SUGCT: variants seen among roughly 807,000 people sequenced by gnomAD.
SUGCT encodes the protein succinyl-CoA:glutarate-CoA transferase.
Under a neutral mutation model 55.0 loss-of-function variants are expected in SUGCT, and 41 were observed. The ratio of observed to expected loss-of-function variants is 0.74; its 90% CI spans 0.58 to 0.97. The LOEUF (loss-of-function observed/expected upper bound fraction) is 0.97. SUGCT is among the 50% of genes least tolerant of loss of function. SUGCT has a pLI of 0.00. For missense variants in SUGCT, 568 were observed against 547.8 expected (o/e 1.04, Z -0.37); for synonymous variants, 187 against 200.4 (o/e 0.93, Z 0.56).
chr7:40,194,295 A>G (rs1232347082), intron 5 of SUGCT, among the ~76,000 whole-genome samples: 1 of 151,994 alleles, frequency 6.6e-6, no homozygotes, highest in Non-Finnish European at 1.5e-5. Context: ...ACAAGGTCTA[A>G]CAGTCTCCCA....
intron 1 of SUGCT, among the ~76,000 whole-genome samples, chr7:40,167,890 G>A (rs1339216055): frequency 6.6e-6 from 1 of 152,198 alleles, no homozygotes; most frequent in Non-Finnish European, 1.5e-5. Flanking sequence ...GACCAGAAGA[G>A]TGTGCAGTTG....
chr7:40,745,507 C>A (rs898510247), intron 12 of SUGCT, among the ~76,000 whole-genome samples: 1 of 152,138 alleles, frequency 6.6e-6, no homozygotes, highest in African/African-American at 2.4e-5. Context: ...TTGACTCTGT[C>A]ATTAGGCTGT....
chr7:40,567,108 T>C (rs996413842), intron 12 of SUGCT, among the ~76,000 whole-genome samples: 61 of 152,250 alleles, frequency 4.0e-4, no homozygotes, highest in Non-Finnish European at 7.3e-5. Context: ...ATGTTTTAAC[T>C]TACAGTTTGA....
intron 9 of SUGCT, among the ~76,000 whole-genome samples, chr7:40,346,231 C>G (rs1483014506): frequency 6.6e-6 from 1 of 151,992 alleles, no homozygotes; most frequent in East Asian, 1.9e-4. Flanking sequence ...AAAAATTATA[C>G]AGGCTTTCCA....
the SUGCT span, among the ~76,000 whole-genome samples, chr7:40,992,727 A>C: frequency 4.4e-3 from 672 of 152,310 alleles, 7 homozygotes; most frequent in African/African-American, 0.015. Context: ...CTAGCTTCAA[A>C]TTCCAGGCAC....
intron 12 of SUGCT, among the ~76,000 whole-genome samples, chr7:40,569,528 T>TGA (rs1476194472): frequency 6.6e-6 from 1 of 152,174 alleles, no homozygotes; most frequent in Non-Finnish European, 1.5e-5. Flanking sequence ...TGGTAGCTCT[T>TGA]AAGGGTGTCA....
intron 13 of SUGCT, among the ~76,000 whole-genome samples, chr7:40,849,796 C>T (rs1584533046): frequency 6.6e-6 from 1 of 151,928 alleles, no homozygotes; most frequent in African/African-American, 2.4e-5. Context: ...TCTCAGGGGG[C>T]GCCAGGCACT....
intron 10 of SUGCT, among the ~76,000 whole-genome samples, chr7:40,458,756 C>T (rs1789624701): frequency 6.6e-6 from 1 of 152,176 alleles, no homozygotes; most frequent in Non-Finnish European, 1.5e-5. Flanking sequence ...TTTAGCATCT[C>T]TCTCCCTATT....
chr7:40,219,107 G>A (rs1359316022), intron 6 of SUGCT, among the ~76,000 whole-genome samples: 3 of 151,960 alleles, frequency 2.0e-5, no homozygotes, highest in East Asian at 1.9e-4. Context: ...CTGGAGGAAC[G>A]AACAACTCTG....
At chr7:40,437,082 G>A (rs181434324) in intron 9 of SUGCT, among the ~76,000 whole-genome samples, 1 of 152,302 alleles carries the variant, frequency 6.6e-6, no homozygotes, top group Admixed American at 6.5e-5. Flanking sequence ...CAAGATACAT[G>A]ATAACTGCCT....
At chr7:40,536,799 A>G (rs150811399) in intron 12 of SUGCT, among the ~76,000 whole-genome samples, 6 of 152,268 alleles carry the variant, frequency 3.9e-5, no homozygotes, top group Non-Finnish European at 7.4e-5. Flanking sequence ...AAATGGATAC[A>G]TTTTCCCTGA....
chr7:40,637,528 G>A (rs1241274641), intron 12 of SUGCT, among the ~76,000 whole-genome samples: 1 of 152,210 alleles, frequency 6.6e-6, no homozygotes, highest in Non-Finnish European at 1.5e-5. Flanking sequence ...TTTGATATTT[G>A]TTGTTAATTC....
chr7:40,377,579 C>G (rs1408729021), intron 9 of SUGCT, among the ~76,000 whole-genome samples: 1 of 151,972 alleles, frequency 6.6e-6, no homozygotes, highest in African/African-American at 2.4e-5. Context: ...TGTTCCCCAC[C>G]CTGTGTGCAA....
chr7:40,303,733 A>G (rs1209496506), intron 8 of SUGCT, among the ~76,000 whole-genome samples: 1 of 152,216 alleles, frequency 6.6e-6, no homozygotes, highest in Non-Finnish European at 1.5e-5. Flanking sequence ...GAACAGTCTA[A>G]GGAATGCCTA....
chr7:40,332,752 G>A (rs1167673253), intron 9 of SUGCT, among the ~76,000 whole-genome samples: 1 of 152,162 alleles, frequency 6.6e-6, no homozygotes, highest in Non-Finnish European at 1.5e-5. Context: ...AATGAGCTCT[G>A]TGTGTAGTGA....
Position 40,572,128 on chromosome 7 carries a change from C to T in SUGCT, c.1089+75742C>T, listed in dbSNP as rs189951896. 2.6e-4 allele frequency among the ~76,000 whole-genome samples: 39 copies of T among 152,114 alleles called. 1 individual carries two copies. The highest frequency in any genetic ancestry group is 1.7e-3 in the East Asian group (9 of 5,158). ...CTTAGCATTACACAGTGCTTAGCTT[C>T]GTTCAGGATGTGGTCAGTGTTTGCT... On this transcript the variant is annotated intron_variant, in intron 12 of 13. Transcript: ENST00000335693.
At chr7:40,397,256 A>G (rs1316456447) in intron 9 of SUGCT, among the ~76,000 whole-genome samples, 1 of 151,780 alleles carries the variant, frequency 6.6e-6, no homozygotes, top group Non-Finnish European at 1.5e-5. Flanking sequence ...CTCTATATTT[A>G]GAAAGCCCTC....
intron 9 of SUGCT, among the ~76,000 whole-genome samples, chr7:40,390,093 G>A (rs1785340722): frequency 6.6e-6 from 1 of 152,158 alleles, no homozygotes; most frequent in South Asian, 2.1e-4. Flanking sequence ...AGCCCTTCAT[G>A]CTAAAAACTC....
chr7:40,573,844 C>T (rs779758580), intron 12 of SUGCT, among the ~76,000 whole-genome samples: 37 of 152,172 alleles, frequency 2.4e-4, no homozygotes, highest in Non-Finnish European at 4.9e-4. Flanking sequence ...CTTCCTGGCT[C>T]TCTTTCCTCT....
Sources: allele counts gnomAD v4.1 joint callset (sites outside exome capture counted in the v4.1 genomes callset), GRCh38; gene constraint gnomAD v4.1.1; transcripts MANE v1.5; gene names NCBI Gene and HGNC (gene_info 2026-07-23, HGNC 2026-07-21).